Variants in CRISP1 observed in about 807,000 individuals in gnomAD.
CRISP1 encodes the protein cysteine-rich secretory protein 1.
A neutral mutation model predicts 33.1 loss-of-function variants in CRISP1; 44 were observed. The observed-to-expected ratio is 1.33, with a 90% CI of 1.05 to 1.71. The LOEUF is 1.71. Ranked by LOEUF, CRISP1 falls within the 40% of genes most tolerant of loss-of-function variation. The pLI, the probability that CRISP1 is intolerant of heterozygous loss-of-function variation, is 0.00. For synonymous variants in CRISP1, 103 were observed against 98.7 expected, an observed-to-expected ratio of 1.04 and a Z score of -0.26; for missense variants, 390 against 301.2, an observed-to-expected ratio of 1.29 and a Z score of -2.18.
chr6:49,860,820 T>A (rs558558930), intron 1 of CRISP1, among the ~76,000 whole-genome samples: 1 of 151,830 alleles, frequency 6.6e-6, no homozygotes, highest in East Asian at 1.9e-4. Context: ...GATAAAAAAA[T>A]GTTGATTTTT....
rs1231151590 is a variant in CRISP1, at chr6:49,840,899, C to T, written c.532G>A (p.Glu178Lys). Residue 178 changes from glutamate (E) to lysine (K), a missense_variant and splice_region_variant, in exon 6 of 8, where the codon GAG (glutamate) becomes AAG (lysine). Glu to Lys is a moderately conservative substitution (Grantham distance 56, BLOSUM62 1). Transcript: ENST00000335847. ...ATTTTAAAAACTAATAATACATACT[C>T]ATGACAATAGTGACAAACGTAGAGA... ...RYLYVCHYCH[E>K]GNDPETKNEP... The T allele has an allele frequency of 2.5e-6, 4 of 1,610,850 alleles. No individual in the cohort carries two copies. Among genetic ancestry groups the T allele is most frequent in the South Asian group, 1.1e-5 (1 of 90,940 alleles).
chr6:49,855,425 A>G (rs1315861763), intron 2 of CRISP1, among the ~76,000 whole-genome samples: 3 of 151,566 alleles, frequency 2.0e-5, no homozygotes, highest in Non-Finnish European at 4.4e-5. Context: ...TATTTAGGAT[A>G]TGTGTCCTTA....
intron 6 of CRISP1, 34 bp downstream of exon 6, chr6:49,840,864 G>T: frequency 6.6e-7 from 1 of 1,510,878 alleles, no homozygotes; most frequent in South Asian, 1.1e-5. Flanking sequence ...GTTACTTTAG[G>T]GGGATATATA....
upstream of CRISP1, among the ~76,000 whole-genome samples, chr6:49,870,649 T>C (rs998307062): frequency 6.6e-6 from 1 of 152,184 alleles, no homozygotes; most frequent in Admixed American, 6.5e-5. Flanking sequence ...TTTCTAACCT[T>C]CAGTTTCTTG....
intron 5 of CRISP1, 148 bp from the exon 6 acceptor site, chr6:49,841,143 G>A (rs1770973871): frequency 4.6e-6 from 3 of 658,416 alleles, no homozygotes; most frequent in Admixed American, 5.2e-5. Flanking sequence ...GAAACAAAAG[G>A]ACTCCCACGT....
intron 6 of CRISP1, 68 bp from the exon 7 acceptor site, chr6:49,838,593 T>G (rs1688678696): frequency 1.7e-6 from 2 of 1,154,176 alleles, no homozygotes; most frequent in East Asian, 2.4e-5. Context: ...TTACTCACAG[T>G]GTACAACCAA....
At chr6:49,856,722 T>G (rs192605872) in intron 2 of CRISP1, among the ~76,000 whole-genome samples, 1 of 152,296 alleles carries the variant, frequency 6.6e-6, no homozygotes, top group Admixed American at 6.5e-5. Flanking sequence ...ATATATTATT[T>G]TCTTTATATC....
At chr6:49,861,650 G>A (rs376629386) in intron 1 of CRISP1, among the ~76,000 whole-genome samples, 7 of 152,184 alleles carry the variant, frequency 4.6e-5, no homozygotes, top group African/African-American at 1.4e-4. Flanking sequence ...TTGGGAGGCC[G>A]AGGTGGGCAA....
At chr6:49,837,460 G>A (rs1770837773) in intron 7 of CRISP1, among the ~76,000 whole-genome samples, 2 of 149,096 alleles carry the variant, frequency 1.3e-5, no homozygotes, top group South Asian at 2.1e-4. Flanking sequence ...TTTTTTTCCC[G>A]GTGGGGAGGA....
At chr6:49,836,819 C>T (rs942810839) in intron 7 of CRISP1, among the ~76,000 whole-genome samples, 1 of 152,074 alleles carries the variant, frequency 6.6e-6, no homozygotes, top group Non-Finnish European at 1.5e-5. Context: ...TGTCATATTA[C>T]TGCCAGAGCA....
At chr6:49,869,345 A>G (rs922987569), upstream of CRISP1, among the ~76,000 whole-genome samples, 2 of 152,154 alleles carry the variant, frequency 1.3e-5, no homozygotes, top group Non-Finnish European at 2.9e-5. Flanking sequence ...ATAACTTGAC[A>G]GTCACCTACC....
At chr6:49,875,832 C>T (rs1430401312) in intron 1 of CRISP1, among the ~76,000 whole-genome samples, 1 of 152,244 alleles carries the variant, frequency 6.6e-6, no homozygotes, top group East Asian at 1.9e-4. Flanking sequence ...GCTGGGAGAA[C>T]TGGCTAGCCA....
At chr6:49,858,855 G>C (rs1771566548) in intron 1 of CRISP1, among the ~76,000 whole-genome samples, 1 of 151,984 alleles carries the variant, frequency 6.6e-6, no homozygotes, top group Non-Finnish European at 1.5e-5. Context: ...TCTGGCACTT[G>C]CCTTCTCCAC....
At chr6:49,861,705 G>T (rs1449596688) in intron 1 of CRISP1, among the ~76,000 whole-genome samples, 1 of 152,050 alleles carries the variant, frequency 6.6e-6, no homozygotes, top group Non-Finnish European at 1.5e-5. Flanking sequence ...GCAACATGGT[G>T]AAACCTCGTC....
At chr6:49,851,361 T>C (rs1001986608) in intron 3 of CRISP1, among the ~76,000 whole-genome samples, 2 of 152,096 alleles carry the variant, frequency 1.3e-5, no homozygotes, top group Non-Finnish European at 2.9e-5. Context: ...GTGAGGGTAA[T>C]CACCTAAACA....
In CRISP1 at chr6:49,848,202, C is replaced by A; in HGVS notation, c.286+7G>T. On this transcript the variant is annotated splice_region_variant and intron_variant, in intron 4 of 7. Transcript: ENST00000335847. ...TCCAAAGGCGGGTCATATAGATACACACTTACTTGGAAGTCTCCTCTCAAG... is the reference window on the plus strand; with the variant it reads ...TCCAAAGGCGGGTCATATAGATACAAACTTACTTGGAAGTCTCCTCTCAAG... 6.6e-7 allele frequency: 1 copy of A among 1,520,174 alleles called. No individual in the cohort carries two copies. Among genetic ancestry groups the A allele is most frequent in the Non-Finnish European group, 8.9e-7 (1 of 1,118,240 alleles). The allele number at this position is 1,520,174 out of a possible 1,614,324, so 94.2% of individuals were successfully genotyped here.
At chr6:49,876,648 T>G (rs577727587) in intron 1 of CRISP1, among the ~76,000 whole-genome samples, 1 of 152,128 alleles carries the variant, frequency 6.6e-6, no homozygotes, top group Non-Finnish European at 1.5e-5. Flanking sequence ...TGCCCATCAA[T>G]TATAGGCTGG....
intron 2 of CRISP1, 37 bp downstream of exon 2, chr6:49,857,298 T>C: frequency 1.3e-6 from 2 of 1,594,548 alleles, no homozygotes; most frequent in Non-Finnish European, 1.7e-6. Flanking sequence ...TTATCTTTAT[T>C]TAGAAAGTAA....
At chr6:49,857,259 C>T in intron 2 of CRISP1, 76 bp downstream of exon 2, 6 of 1,434,310 alleles carry the variant, frequency 4.2e-6, no homozygotes, top group Non-Finnish European at 4.9e-6. Context: ...GTGCCTCTAA[C>T]ATGGTGAATT....
Sources: gnomAD v4.1 joint callset for allele counts (sites outside exome capture counted in the v4.1 genomes callset) on GRCh38, gnomAD v4.1.1 for gene constraint, MANE v1.5 for transcripts, NCBI Gene and HGNC (gene_info 2026-07-23, HGNC 2026-07-21) for gene names.